The following CAPN9 variants were observed in gnomAD, a reference collection of about 807,000 sequenced individuals.
CAPN9 encodes calpain 9, also known as calpain-9.
CAPN9 carries 81 observed loss-of-function variants against 92.8 expected under a neutral mutation model. The ratio of observed to expected loss-of-function variants is 0.87; its 90% CI spans 0.73 to 1.05. The LOEUF (loss-of-function observed/expected upper bound fraction) is 1.05, where lower values mean the gene tolerates loss of function less well. CAPN9 is among the 50% of genes least tolerant of loss of function. The pLI is 0.00. For synonymous variants in CAPN9, 304 were observed against 328.0 expected, an observed-to-expected ratio of 0.93 and a Z score of 0.79; for missense variants, 848 against 866.2, an observed-to-expected ratio of 0.98 and a Z score of 0.26.
rs773485029 is a variant in CAPN9, at chr1:230,774,549, C to T, written c.876-5C>T. ...TGCCTGAACACCAATTTTGTTTACT[C>T]CTAGTTCTCCGGAGTGGCGTTCTGT... is the stretch of plus-strand genomic sequence containing the variant. On this transcript the variant is annotated splice_polypyrimidine_tract_variant and splice_region_variant and intron_variant, in intron 7 of 19. Transcript: ENST00000271971. 1 of 1,610,724 alleles carries T rather than the reference C, an allele frequency of 6.2e-7. No individual in the cohort carries two copies. Among genetic ancestry groups the T allele is most frequent in the South Asian group, 1.1e-5 (1 of 91,002 alleles).
At chr1:230,785,412 C>T (rs550195509) in intron 11 of CAPN9, among the ~76,000 whole-genome samples, 1 of 152,136 alleles carries the variant, frequency 6.6e-6, no homozygotes, top group Non-Finnish European at 1.5e-5. Flanking sequence ...GAATTGTAAT[C>T]CCCAGTGTTA....
chr1:230,772,068 C>G lies in CAPN9; in HGVS notation c.844C>G (p.Gln282Glu), dbSNP rs751949984. Residue 282 changes from glutamine (Q) to glutamate (E), a missense_variant, in exon 7 of 20, where the codon CAG becomes GAG. Gln to Glu is a conservative substitution (Grantham distance 29). Transcript: ENST00000271971. ...CATCCGAATCCGGAACCCTTGGGGC[C>G]AGGTTGAGTGGAACGGGTCGTGGAG... Reference protein sequence around the residue: ...ELIRIRNPWGQVEWNGSWSDS... With the variant: ...ELIRIRNPWGEVEWNGSWSDS... 6.2e-7 allele frequency: 1 copy of G among 1,614,240 alleles called. No homozygotes were observed. The highest frequency in any genetic ancestry group is 8.5e-7 in the Non-Finnish European group (1 of 1,180,036).
intron 8 of CAPN9, among the ~76,000 whole-genome samples, chr1:230,778,677 C>T (rs1666991853): frequency 6.6e-6 from 1 of 152,102 alleles, no homozygotes; most frequent in Non-Finnish European, 1.5e-5. Context: ...CTTCTCTTAC[C>T]TCCCTGTTTA....
At chr1:230,785,795 G>A (rs1667539179) in intron 11 of CAPN9, among the ~76,000 whole-genome samples, 186 bp from the exon 12 acceptor site, 1 of 152,200 alleles carries the variant, frequency 6.6e-6, no homozygotes, top group African/African-American at 2.4e-5. Flanking sequence ...TTCTGAGCAA[G>A]GTCTGAGTGA....
At chr1:230,790,369 T>C (rs1667898596) in intron 14 of CAPN9, 180 bp downstream of exon 14, 1 of 954,200 alleles carries the variant, frequency 1.0e-6, no homozygotes, top group Admixed American at 6.2e-5. Context: ...TGCAGGTTTA[T>C]AGTAGAAAAT....
chr1:230,784,176 T>C (rs1456903875), intron 11 of CAPN9, among the ~76,000 whole-genome samples: 1 of 152,204 alleles, frequency 6.6e-6, no homozygotes, highest in Non-Finnish European at 1.5e-5. Context: ...AGCTGGAATA[T>C]ATACATTTAA....
At position 230,791,961 on chromosome 1, in the gene CAPN9, A is replaced by G. The variant is rs377002124; in HGVS notation, c.1722+33A>G. The G allele has an allele frequency of 1.5e-5, 23 of 1,503,968 alleles. No individual in the cohort carries two copies. The African/African-American group carries it at 2.6e-4, about 17-fold the overall frequency. The allele number at this position is 1,503,968 out of a possible 1,614,324, so 93.2% of individuals were successfully genotyped here. On this transcript the variant is annotated intron_variant, in intron 15 of 19. Coordinates refer to ENST00000271971, the MANE Select transcript of CAPN9 (RefSeq NM_006615.3). ...TCCAAATATTTGAGCAGAAATAGAC[A>G]TGGATCCTGGGCTTTAAGCACAGTA...
At chr1:230,764,792 A>G (rs552031105) in intron 4 of CAPN9, among the ~76,000 whole-genome samples, 4 of 152,342 alleles carry the variant, frequency 2.6e-5, no homozygotes, top group Admixed American at 2.0e-4. Context: ...GAGGTTACAG[A>G]TAGGCAAGGG....
rs538207620 is a variant in CAPN9, at chr1:230,755,588, G to A, written c.283+182G>A. On this transcript the variant is annotated intron_variant, in intron 2 of 19. Coordinates refer to ENST00000271971, the MANE Select transcript of CAPN9 (RefSeq NM_006615.3). ...AGTGGCCTCAAGCCCCTGCACCTCC[G>A]TTCCTCTAGAGTCAGACATGCCTGT... Among the ~76,000 whole-genome samples the A allele has an allele frequency of 8.5e-5, 13 of 152,324 alleles. No individual in the cohort carries two copies. In the South Asian group the frequency reaches 2.1e-3, roughly 24 times the overall value.
chr1:230,797,106 A>T (rs1307021839), intron 18 of CAPN9, among the ~76,000 whole-genome samples: 1 of 152,178 alleles, frequency 6.6e-6, no homozygotes, highest in Non-Finnish European at 1.5e-5. Flanking sequence ...AATGCTGATG[A>T]CCAGGCTGCA....
At chr1:230,757,281 T>A (rs1257457034) in intron 2 of CAPN9, among the ~76,000 whole-genome samples, 2 of 151,976 alleles carry the variant, frequency 1.3e-5, no homozygotes, top group African/African-American at 4.8e-5. Flanking sequence ...CTCCAGGAGA[T>A]CCTCCCTGCC....
chr1:230,769,187 G>A lies in CAPN9; in HGVS notation c.713G>A (p.Ser238Asn), dbSNP rs768105875. 1 of 1,613,860 alleles carries A rather than the reference G, an allele frequency of 6.2e-7. No homozygotes were observed. Among genetic ancestry groups the A allele is most frequent in the Admixed American group, 1.7e-5 (1 of 60,014 alleles). ...GCTCTTTCCATGTTTTAGACCAGAA[G>A]TGCTGCAGAATCTGAGGCCCGGACG... is the stretch of plus-strand genomic sequence containing the variant. ...SLLGCFIDTR[S>N]AAESEARTPF... Residue 238 changes from serine to asparagine, a missense_variant, in exon 6 of 20, where the codon AGT becomes AAT. Physicochemically the swap from Ser to Asn is conservative, Grantham distance 46. Transcript: ENST00000271971.
chr1:230,774,765 G>A lies in CAPN9; in HGVS notation c.953+134G>A, dbSNP rs575139477. On this transcript the variant is annotated intron_variant, in intron 8 of 19. Transcript: ENST00000271971. ...TTTTTTTTTTTTTTTTTTTGAGACG[G>A]AGTTTTGTTCTTATTGCCCAGGCTG... 1.3e-3 allele frequency: 785 copies of A among 624,224 alleles called. 2 individuals are homozygous for A. The highest frequency in any genetic ancestry group is 1.8e-3 in the Non-Finnish European group (683 of 369,694). 38.7% of individuals were successfully genotyped at this position (624,224 alleles called of 1,614,324 possible).
At chr1:230,792,525 G>C in intron 16 of CAPN9, 31 bp downstream of exon 16, 1 of 1,563,928 alleles carries the variant, frequency 6.4e-7, no homozygotes, top group African/African-American at 1.3e-5. Context: ...CTTGGCCTCT[G>C]GGGGACCCAG....
rs760766664 is a variant in CAPN9, at chr1:230,747,470, C to A, written c.-27C>A. ...ACTTTCTTTTCCATCCACTGCCGGA[C>A]CCAAGCCAGCCTTCCAGGGAGCAGC... On this transcript the variant is annotated 5_prime_UTR_variant, in exon 1 of 20. Coordinates refer to ENST00000271971, the MANE Select transcript of CAPN9 (RefSeq NM_006615.3). 2 of 1,602,276 alleles carry A rather than the reference C, an allele frequency of 1.2e-6. No individual in the cohort carries two copies.
intron 7 of CAPN9, among the ~76,000 whole-genome samples, chr1:230,774,063 G>A (rs550281535): frequency 2.1e-3 from 313 of 152,304 alleles, no homozygotes; most frequent in African/African-American, 7.1e-3. Context: ...GCTTGCCAGC[G>A]AGGTCACATA....
In CAPN9 at chr1:230,779,146, C is replaced by T. The variant is rs1667038439; in HGVS notation, c.1114+13C>T. 6.2e-7 allele frequency: 1 copy of T among 1,610,974 alleles called. No individual in the cohort carries two copies. On this transcript the variant is annotated intron_variant, in intron 9 of 19. Transcript: ENST00000271971. ...CGCAATTTCCTGGGTAGGTAGGCTG[C>T]CTGTCACTCTCTCTGCCACTCCCAA...
At position 230,769,616 on chromosome 1, in the gene CAPN9, C is replaced by CAT. The variant is rs1255663506; in HGVS notation, c.789+353_789+354insAT. 6.3e-4 allele frequency among the ~76,000 whole-genome samples: 73 copies of CAT among 116,070 alleles called. 1 individual carries two copies. Among genetic ancestry groups the CAT allele is most frequent in the Admixed American group, 1.2e-3 (14 of 11,808 alleles). 76.1% of individuals were successfully genotyped at this position (116,070 alleles called of 152,430 possible). ...ATACATACAATTAAACACACACACA[C>CAT]CTATCTATCTATCTATCTATCTATC... On this transcript the variant is annotated intron_variant, in intron 6 of 19. Coordinates refer to ENST00000271971, the MANE Select transcript of CAPN9 (RefSeq NM_006615.3).
intron 1 of CAPN9, among the ~76,000 whole-genome samples, chr1:230,749,062 T>G (rs185485685): frequency 5.3e-5 from 8 of 152,300 alleles, no homozygotes; most frequent in African/African-American, 1.9e-4. Context: ...GGTGACTGCA[T>G]GCATAGGCAC....
Sources: allele counts gnomAD v4.1 joint callset (sites outside exome capture counted in the v4.1 genomes callset), GRCh38; gene constraint gnomAD v4.1.1; transcripts MANE v1.5; gene names NCBI Gene and HGNC (gene_info 2026-07-23, HGNC 2026-07-21).